The following CSMD3 variants were observed in gnomAD, a reference collection of about 807,000 sequenced individuals.
CSMD3 encodes the protein CUB and sushi domain-containing protein 3.
Under a neutral mutation model 435.2 loss-of-function variants are expected in CSMD3, and 177 were observed. The observed-to-expected ratio is 0.41, with a 90% CI of 0.36 to 0.46. The LOEUF is 0.46. Ranked by LOEUF, CSMD3 falls within the 20% of genes least tolerant of loss-of-function variation. CSMD3 has a pLI of 0.34. For missense variants in CSMD3, 4,265 were observed against 4,504.6 expected (o/e 0.95, Z 1.52); for synonymous variants, 1,656 against 1,520.5 (o/e 1.09, Z -2.07).
chr8:113,246,180 CTCT>C (rs1315778715), intron 3 of CSMD3, among the ~76,000 whole-genome samples: 4 of 151,446 alleles, frequency 2.6e-5, no homozygotes, highest in African/African-American at 4.8e-5. Context: ...TTTCTCTCTC[CTCT>C]TCTTCATCAT....
chr8:112,554,787 C>A lies in CSMD3; in HGVS notation c.4234+1976G>T, dbSNP rs370681530. ...AGGTTAAATCCTTCCAGCTATGGTG[C>A]CTCAAAAACTAATTTTTGTTTCATC... On this transcript the variant is annotated intron_variant, in intron 25 of 70. Transcript: ENST00000297405. Among the ~76,000 whole-genome samples the A allele has an allele frequency of 2.0e-5, 3 of 151,900 alleles. No individual in the cohort carries two copies. The East Asian group carries it at 5.8e-4, about 29-fold the overall frequency.
chr8:113,396,109 A>C (rs1057442956), intron 1 of CSMD3, among the ~76,000 whole-genome samples: 4 of 152,044 alleles, frequency 2.6e-5, no homozygotes, highest in African/African-American at 9.7e-5. Flanking sequence ...CTCTAAAAAA[A>C]CTCTCTAAGG....
intron 13 of CSMD3, among the ~76,000 whole-genome samples, chr8:112,771,151 CCA>C (rs1310724667): frequency 7.9e-5 from 12 of 151,958 alleles, no homozygotes; most frequent in African/African-American, 2.7e-4. Context: ...AGAAAAATTC[CCA>C]CAGAGTCCAC....
chr8:112,504,098 G>A (rs1167387007), intron 29 of CSMD3, 121 bp from the exon 30 acceptor site: 18 of 602,712 alleles, frequency 3.0e-5, no homozygotes, highest in Non-Finnish European at 4.2e-5. Context: ...AATAAAAGAC[G>A]CTGTCAAAAT....
intron 22 of CSMD3, among the ~76,000 whole-genome samples, chr8:112,621,802 C>T (rs13281698): frequency 0.56 from 84,430 of 151,958 alleles, 23,774 homozygotes; most frequent in African/African-American, 0.62. Flanking sequence ...CTCTCTTGCT[C>T]ATCTTATCCA....
At chr8:113,203,223 A>G (rs1461011557) in intron 3 of CSMD3, among the ~76,000 whole-genome samples, 6 of 152,142 alleles carry the variant, frequency 3.9e-5, no homozygotes, top group Admixed American at 1.3e-4. Context: ...AAACATCACT[A>G]TGTAGCCCAT....
intron 20 of CSMD3, 52 bp from the exon 21 acceptor site, chr8:112,638,963 G>A (rs1368742741): frequency 1.6e-6 from 2 of 1,247,918 alleles, no homozygotes; most frequent in East Asian, 2.4e-5. Context: ...GTAAAACACA[G>A]AGAGTTACTG....
At chr8:113,136,402 G>T (rs550643641) in intron 4 of CSMD3, among the ~76,000 whole-genome samples, 1 of 151,468 alleles carries the variant, frequency 6.6e-6, no homozygotes, top group South Asian at 2.1e-4. Context: ...TTAGGCAGTA[G>T]AACTATACAG....
intron 5 of CSMD3, among the ~76,000 whole-genome samples, chr8:113,023,894 A>C (rs1032534136): frequency 6.6e-6 from 1 of 152,130 alleles, no homozygotes; most frequent in Non-Finnish European, 1.5e-5. Context: ...CATATCCATC[A>C]CCTCAAACAT....
At chr8:112,746,187 A>G (rs1248817326) in intron 13 of CSMD3, among the ~76,000 whole-genome samples, 1 of 152,102 alleles carries the variant, frequency 6.6e-6, no homozygotes, top group Non-Finnish European at 1.5e-5. Flanking sequence ...GCTTTTGGCT[A>G]TTTTTTTCTG....
At chr8:113,051,237 T>C (rs1029164019) in intron 5 of CSMD3, among the ~76,000 whole-genome samples, 2 of 152,112 alleles carry the variant, frequency 1.3e-5, no homozygotes, top group African/African-American at 4.8e-5. Flanking sequence ...CTAAGAGTTA[T>C]TTCATTCCAC....
chr8:112,406,127 AT>A (rs569628605), intron 35 of CSMD3, among the ~76,000 whole-genome samples: 206 of 152,244 alleles, frequency 1.4e-3, no homozygotes, highest in Admixed American at 4.3e-3. Context: ...TGTAAAAAAA[AT>A]CTCATGTACT....
In CSMD3 at chr8:112,273,497, G is replaced by A. The variant is rs550638827; in HGVS notation, c.9508+7677C>T. On this transcript the variant is annotated intron_variant, in intron 59 of 70. Transcript: ENST00000297405. ...TCCCAGCACTTTGGGAGGCCGAGGC[G>A]GGTGGATCACAAGGTCAGGAGATCG... Among the ~76,000 whole-genome samples the A allele has an allele frequency of 1.2e-4, 19 of 152,010 alleles. 1 individual carries two copies. The East Asian group carries it at 1.6e-3, about 12-fold the overall frequency.
intron 4 of CSMD3, among the ~76,000 whole-genome samples, chr8:113,118,879 A>G (rs1163856203): frequency 1.3e-5 from 2 of 152,176 alleles, no homozygotes; most frequent in African/African-American, 2.4e-5. Context: ...TCTCAGTCGC[A>G]TAGATTTCAT....
chr8:112,878,855 A>C (rs996028333), intron 10 of CSMD3, among the ~76,000 whole-genome samples: 3 of 152,232 alleles, frequency 2.0e-5, no homozygotes, highest in Middle Eastern at 3.4e-3. Context: ...ATGGACATTT[A>C]TTAGTTCCCC....
chr8:112,899,516 A>C (rs982264512), intron 10 of CSMD3, among the ~76,000 whole-genome samples: 5 of 142,794 alleles, frequency 3.5e-5, no homozygotes, highest in African/African-American at 7.6e-5. Context: ...TATATTTTCT[A>C]TATATATATA....
At chr8:113,078,613 T>C (rs945975116) in intron 5 of CSMD3, among the ~76,000 whole-genome samples, 1 of 152,176 alleles carries the variant, frequency 6.6e-6, no homozygotes, top group African/African-American at 2.4e-5. Context: ...GGGGGTTTAA[T>C]AGGGTCACAT....
At chr8:112,941,120 T>C (rs890516358) in intron 9 of CSMD3, among the ~76,000 whole-genome samples, 4 of 151,774 alleles carry the variant, frequency 2.6e-5, no homozygotes, top group Admixed American at 2.6e-4. Flanking sequence ...AAAAGCTTTA[T>C]AAAAGAGGAT....
intron 13 of CSMD3, among the ~76,000 whole-genome samples, chr8:112,693,493 C>T (rs2076183670): frequency 6.6e-6 from 1 of 151,926 alleles, no homozygotes; most frequent in Non-Finnish European, 1.5e-5. Flanking sequence ...GTCTATTATC[C>T]ATCCACTATT....
Sources: gnomAD v4.1 joint callset for allele counts (sites outside exome capture counted in the v4.1 genomes callset) on GRCh38, gnomAD v4.1.1 for gene constraint, MANE v1.5 for transcripts, NCBI Gene and HGNC (gene_info 2026-07-23, HGNC 2026-07-21) for gene names.